Variants in DNAH14 observed in about 807,000 individuals in gnomAD.
DNAH14 encodes the protein dynein axonemal heavy chain 14, also known as axonemal beta dynein heavy chain 14.
DNAH14 carries 478 observed loss-of-function variants against 520.9 expected under a neutral mutation model. That is an observed-to-expected ratio of 0.92 (90% CI 0.85 to 0.99). The LOEUF is 0.99. Ranked by LOEUF, DNAH14 falls within the 50% of genes least tolerant of loss-of-function variation. DNAH14 has a pLI of 0.00. For synonymous variants in DNAH14, 1,581 were observed against 1,757.2 expected, an observed-to-expected ratio of 0.90 and a Z score of 2.51; for missense variants, 4,831 against 5,234.5, an observed-to-expected ratio of 0.92 and a Z score of 2.38.
chr1:225,220,773 G>C (rs975933418), intron 41 of DNAH14, among the ~76,000 whole-genome samples: 11 of 152,224 alleles, frequency 7.2e-5, no homozygotes, highest in African/African-American at 2.4e-4. Context: ...AGCTACAATT[G>C]ATTTTCTTCA....
chr1:224,945,926 C>T (rs1293469797), intron 1 of DNAH14, among the ~76,000 whole-genome samples: 1 of 152,296 alleles, frequency 6.6e-6, no homozygotes. Flanking sequence ...AGTTAGGCTA[C>T]TCGGGGGTCA....
At position 225,377,479 on chromosome 1, in the gene DNAH14, G is replaced by T. The variant is rs1199497156; in HGVS notation, c.12716+43G>T. 5 of 1,509,732 alleles carry T rather than the reference G, an allele frequency of 3.3e-6. No individual in the cohort carries two copies. The African/African-American group carries it at 5.5e-5, about 17-fold the overall frequency. The allele number at this position is 1,509,732 out of a possible 1,614,324, so 93.5% of individuals were successfully genotyped here. On this transcript the variant is annotated intron_variant, in intron 79 of 85. Transcript: ENST00000682510. ...AAAATTGTTGGTCAAAAATTATCAG[G>T]CTGGGTCTGGCAGCTCATGCCTGTA...
chr1:225,004,004 T>C (rs1905114), intron 9 of DNAH14, among the ~76,000 whole-genome samples: 22,951 of 152,016 alleles, frequency 0.15, 3,199 homozygotes, highest in African/African-American at 0.36. Context: ...AGAACATTAC[T>C]AGTGATAGAG....
At chr1:225,020,322 C>A (rs2065565257) in intron 10 of DNAH14, among the ~76,000 whole-genome samples, 1 of 151,684 alleles carries the variant, frequency 6.6e-6, no homozygotes, top group Non-Finnish European at 1.5e-5. Flanking sequence ...CATGGTGAAA[C>A]CTCATCTCTA....
At chr1:225,361,745 C>T (rs192714203) in intron 75 of DNAH14, among the ~76,000 whole-genome samples, 52 of 152,282 alleles carry the variant, frequency 3.4e-4, no homozygotes, top group African/African-American at 1.2e-3. Context: ...ACCAGCGGGG[C>T]ACAGTGGCTC....
intron 71 of DNAH14, among the ~76,000 whole-genome samples, chr1:225,349,257 G>T (rs951315104): frequency 2.0e-5 from 3 of 152,098 alleles, no homozygotes; most frequent in Non-Finnish European, 4.4e-5. Flanking sequence ...ATAAAATTAA[G>T]ATTAAATTAT....
chr1:225,027,259 T>G (rs2066186756), intron 11 of DNAH14, among the ~76,000 whole-genome samples: 1 of 152,170 alleles, frequency 6.6e-6, no homozygotes, highest in Admixed American at 6.6e-5. Context: ...TATTGCCTAA[T>G]TCCTCTGGCT....
chr1:225,125,679 A>G (rs1419723550), intron 27 of DNAH14, among the ~76,000 whole-genome samples: 5 of 152,184 alleles, frequency 3.3e-5, no homozygotes, highest in Admixed American at 3.3e-4. Flanking sequence ...TCTCCAAAAC[A>G]GCAGTAAGGC....
chr1:225,214,468 G>GT (rs2088976620), intron 41 of DNAH14, among the ~76,000 whole-genome samples: 1 of 151,570 alleles, frequency 6.6e-6, no homozygotes. Context: ...GATTGGAATA[G>GT]TTCAGAAGGA....
chr1:225,322,352 G>T (rs2150209596), intron 61 of DNAH14, among the ~76,000 whole-genome samples: 1 of 152,122 alleles, frequency 6.6e-6, no homozygotes, highest in African/African-American at 2.4e-5. Context: ...GCCTCCCAAA[G>T]TGCAGGGATT....
At chr1:225,340,413 C>T (rs1321604242) in intron 68 of DNAH14, 44 bp from the exon 69 acceptor site, 3 of 1,466,422 alleles carry the variant, frequency 2.0e-6, no homozygotes, top group Admixed American at 2.6e-5. Context: ...TCATTTTTTT[C>T]TTCTACATGT....
chr1:225,031,277 T>G (rs893081177), intron 11 of DNAH14, among the ~76,000 whole-genome samples: 4 of 152,088 alleles, frequency 2.6e-5, no homozygotes, highest in African/African-American at 9.7e-5. Flanking sequence ...GTAGACAATT[T>G]AAGAATTTCT....
chr1:225,125,040 C>T (rs1380114644), intron 27 of DNAH14, among the ~76,000 whole-genome samples: 1 of 152,060 alleles, frequency 6.6e-6, no homozygotes, highest in African/African-American at 2.4e-5. Flanking sequence ...TGAAAGGAAT[C>T]TTTTTTTCTT....
chr1:225,064,541 G>C (rs552850589), intron 17 of DNAH14, among the ~76,000 whole-genome samples: 1 of 151,092 alleles, frequency 6.6e-6, no homozygotes, highest in South Asian at 2.1e-4. Context: ...GAACAGATAA[G>C]AAAAATTTGA....
At chr1:225,260,613 T>C (rs909005891) in intron 46 of DNAH14, among the ~76,000 whole-genome samples, 42 of 152,118 alleles carry the variant, frequency 2.8e-4, no homozygotes, top group Non-Finnish European at 4.3e-4. Context: ...AGCTTTTTTT[T>C]TTCCCCCCCT....
chr1:225,207,269 A>G (rs1241756422), intron 41 of DNAH14, 49 bp downstream of exon 41: 4 of 1,411,032 alleles, frequency 2.8e-6, no homozygotes, highest in Non-Finnish European at 3.7e-6. Context: ...TAGCTAGTCA[A>G]TGCTAATTCA....
intron 37 of DNAH14, among the ~76,000 whole-genome samples, chr1:225,192,013 C>G (rs2085504380): frequency 6.6e-6 from 1 of 152,060 alleles, no homozygotes; most frequent in Admixed American, 6.6e-5. Context: ...TGGGCCTGCT[C>G]TGAGTCTAGT....
chr1:225,140,807 G>C lies in DNAH14; in HGVS notation c.4294G>C (p.Val1432Leu), dbSNP rs1049452214. The change falls in exon 28 of 86, where the codon GTG (valine) becomes CTG (leucine). Residue 1432 changes from valine to leucine, a missense_variant. Physicochemically the swap from Val to Leu is conservative, Grantham distance 32. Transcript: ENST00000682510. The stretch of plus-strand genomic sequence containing the variant: ...TTATAATGATTGTGTTAAAAGTTTT[G>C]TGAGTTCTTATTCAAGAGAAAAATT... ...MFYNDCVKSF[V>L]SSYSREKLEK... 1.9e-6 allele frequency: 3 copies of C among 1,550,034 alleles called. No individual in the cohort carries two copies. In the African/African-American group the frequency reaches 4.1e-5, roughly 21 times the overall value.
chr1:225,302,088 G>A (rs2094149131), intron 56 of DNAH14, among the ~76,000 whole-genome samples: 1 of 147,824 alleles, frequency 6.8e-6, no homozygotes, highest in East Asian at 1.9e-4. Context: ...CAATTTAATT[G>A]TATATATTAT....
Sources: allele counts gnomAD v4.1 joint callset (sites outside exome capture counted in the v4.1 genomes callset), GRCh38; gene constraint gnomAD v4.1.1; transcripts MANE v1.5; gene names NCBI Gene and HGNC (gene_info 2026-07-23, HGNC 2026-07-21).